The following CHD5 variants were observed in gnomAD, a reference collection of about 807,000 sequenced individuals.
CHD5 encodes chromodomain helicase DNA binding protein 5.
CHD5 carries 69 observed loss-of-function variants against 230.3 expected under a neutral mutation model. That is an observed-to-expected ratio of 0.30 (90% CI 0.25 to 0.37). The LOEUF (loss-of-function observed/expected upper bound fraction) is 0.37, where lower values mean the gene tolerates loss of function less well. Ranked by LOEUF, CHD5 falls within the 10% of genes least tolerant of loss-of-function variation. The probability of loss-of-function intolerance (pLI) is 1.00; values close to 1 mark genes in which losing one functional copy is unlikely to be tolerated. For missense variants in CHD5, 1,827 were observed against 2,622.8 expected (o/e 0.70, Z 6.63); for synonymous variants, 1,064 against 1,065.9 (o/e 1.00, Z 0.03).
intron 33 of CHD5, among the ~76,000 whole-genome samples, chr1:6,113,759 T>A (rs34807013): frequency 0.12 from 18,886 of 152,024 alleles, 1,410 homozygotes; most frequent in East Asian, 0.38. Context: ...GAAAAGAAGG[T>A]CTCCAGTGAG....
intron 7 of CHD5, among the ~76,000 whole-genome samples, chr1:6,149,681 AATGG>A (rs1666969736): frequency 6.6e-6 from 1 of 150,940 alleles, no homozygotes; most frequent in Non-Finnish European, 1.5e-5. Context: ...TGGATAGACA[AATGG>A]ATGGATAGAT....
At chr1:6,151,300 G>A in intron 6 of CHD5, 145 bp from the exon 7 acceptor site, 1 of 963,550 alleles carries the variant, frequency 1.0e-6, no homozygotes, top group East Asian at 3.1e-5. Context: ...CAACACAGCT[G>A]AAAACCTCAC....
Position 6,142,098 on chromosome 1 carries a change from A to C in CHD5, c.2436+30T>G, listed in dbSNP as rs1666837209. The C allele has an allele frequency of 6.3e-7, 1 of 1,595,144 alleles. No homozygotes were observed. Among genetic ancestry groups the C allele is most frequent in the East Asian group, 2.2e-5 (1 of 44,538 alleles). On this transcript the variant is annotated intron_variant, in intron 15 of 41. Coordinates refer to ENST00000262450, the MANE Select transcript of CHD5 (RefSeq NM_015557.3). This position sits in a 1 kb window ranked among gnomAD's most constrained non-coding sequence, Gnocchi z 5.2. ...CCTGAACTAGACCGGGGGCCTTCCT[A>C]CCGTCCTTCCAAGGATAGCGAGCCC...
rs1437559926 is a variant in CHD5, at chr1:6,155,497, C to T, written c.506+102G>A. The T allele has an allele frequency of 5.9e-6, 6 of 1,018,594 alleles. No individual in the cohort carries two copies. Among genetic ancestry groups the T allele is most frequent in the African/African-American group, 3.2e-5 (2 of 63,208 alleles). The allele number at this position is 1,018,594 out of a possible 1,614,324, so 63.1% of individuals were successfully genotyped here. A position where few individuals can be genotyped will look rare whatever the true frequency, so the allele number is the denominator to read the frequency against. ...TGCTCAGTCGGTCTGACAGAGCCCA[C>T]CCCTACCCCAGGTGCCGGGGCTTCA... On this transcript the variant is annotated intron_variant, in intron 4 of 41. Coordinates refer to ENST00000262450, the MANE Select transcript of CHD5 (RefSeq NM_015557.3). The surrounding 1 kb of genome is among the most constrained non-coding windows in gnomAD (Gnocchi z 4.0).
chr1:6,123,594 T>A (rs1666505977), intron 31 of CHD5, among the ~76,000 whole-genome samples: 2 of 151,972 alleles, frequency 1.3e-5, no homozygotes, highest in Non-Finnish European at 2.9e-5. Flanking sequence ...GCCCGGCTAA[T>A]CTTTTGTATT....
chr1:6,106,945 TGGAGGAGA>T (rs1666182989), intron 38 of CHD5, among the ~76,000 whole-genome samples, 166 bp from the exon 39 acceptor site: 1 of 5,356 alleles, frequency 1.9e-4, no homozygotes, highest in African/African-American at 9.2e-4. Flanking sequence ...GGTGGAGGGA[TGGAGGAGA>T]GGAGGGGTGG....
rs17029186 is a variant in CHD5, at chr1:6,131,071, G to C, written c.3262+560C>G. Among the ~76,000 whole-genome samples, 13,743 of 152,248 alleles carry C rather than the reference G, an allele frequency of 0.09. 2,022 individuals are homozygous for C. The highest frequency in any genetic ancestry group is 0.31 in the African/African-American group (12,833 of 41,502). On this transcript the variant is annotated intron_variant, in intron 21 of 41. Transcript: ENST00000262450. The surrounding 1 kb of genome is among the most constrained non-coding windows in gnomAD (Gnocchi z 5.0). ...AGGGAAACAAAGCTTGTTACTATTT[G>C]CTGCAAACTTGCTACTGAAGCTTAC...
In CHD5 at chr1:6,167,078, C is replaced by G. The variant is rs1332157558; in HGVS notation, c.207+1072G>C. The stretch of plus-strand genomic sequence containing the variant: ...GCACCCCCTTAGCATTAGCACCTCA[C>G]CTCACCACCACTGCGCCTCACCAGC... On this transcript the variant is annotated intron_variant, in intron 2 of 41. Coordinates refer to ENST00000262450, the MANE Select transcript of CHD5 (RefSeq NM_015557.3). This position sits in a 1 kb window ranked among gnomAD's most constrained non-coding sequence, Gnocchi z 4.5. 1.3e-5 allele frequency among the ~76,000 whole-genome samples: 2 copies of G among 152,216 alleles called. No individual in the cohort carries two copies. The highest frequency in any genetic ancestry group is 2.9e-5 in the Non-Finnish European group (2 of 68,040).
chr1:6,122,234 A>C (rs533521083), intron 31 of CHD5, among the ~76,000 whole-genome samples: 1 of 152,362 alleles, frequency 6.6e-6, no homozygotes, highest in East Asian at 1.9e-4. Flanking sequence ...TGTGAGGCCC[A>C]ACCGACGGAC....
rs1447789132 is a variant in CHD5 at position 6,129,075 on chromosome 1, G to A, written c.3388-6C>T. The A allele has an allele frequency of 1.3e-6, 2 of 1,594,090 alleles. No individual in the cohort carries two copies. Among genetic ancestry groups the A allele is most frequent in the Non-Finnish European group, 1.7e-6 (2 of 1,169,652 alleles). ...CGGTGGGCGCGGCTGAAGGCCTGGGGAGACCTGCACCTCAGCACCCGTGGC... is the reference window on the plus strand; with the variant it reads ...CGGTGGGCGCGGCTGAAGGCCTGGGAAGACCTGCACCTCAGCACCCGTGGC... On this transcript the variant is annotated splice_polypyrimidine_tract_variant and splice_region_variant and intron_variant, in intron 22 of 41. Coordinates refer to ENST00000262450, the MANE Select transcript of CHD5 (RefSeq NM_015557.3). This position sits in a 1 kb window ranked among gnomAD's most constrained non-coding sequence, Gnocchi z 6.8.
rs1445150069 is a variant in CHD5 at position 6,136,557 on chromosome 1, G to T, written c.2656C>A (p.Leu886Met). 2.2e-5 allele frequency: 36 copies of T among 1,613,724 alleles called. No individual in the cohort carries two copies. Among genetic ancestry groups the T allele is most frequent in the Non-Finnish European group, 3.1e-5 (36 of 1,179,790 alleles). ...GTCAGGAAGTTGAGGAGATGGAACA[G>T]CTCCTCCAGGTTGTTCTGAAGGGGG... ...GTPLQNNLEE[L>M]FHLLNFLTPE... The change falls in exon 17 of 42, where the codon CTG (leucine) becomes ATG (methionine). Residue 886 changes from leucine (L) to methionine (M), a missense_variant. Transcript: ENST00000262450.
chr1:6,112,871 C>T (rs1249929011), intron 34 of CHD5, 38 bp downstream of exon 34: 1 of 1,495,364 alleles, frequency 6.7e-7, no homozygotes, highest in Non-Finnish European at 9.3e-7. Flanking sequence ...CTCAAGGGAC[C>T]ATGGGGCACA....
chr1:6,149,212 C>T (rs112078826), intron 8 of CHD5, 34 bp downstream of exon 8: 19 of 1,537,352 alleles, frequency 1.2e-5, no homozygotes, highest in African/African-American at 9.6e-5. Context: ...CAGGCGTGGC[C>T]CCGCCCCCAG....
rs1666605276 is a variant in CHD5, at chr1:6,128,780, GGT to G, written c.3619+56_3619+57del. The G allele has an allele frequency of 6.8e-7, 1 of 1,461,932 alleles. No homozygotes were observed. The highest frequency in any genetic ancestry group is 1.7e-5 in the Admixed American group (1 of 58,732). 90.6% of individuals were successfully genotyped at this position (1,461,932 alleles called of 1,614,324 possible). A position where few individuals can be genotyped will look rare whatever the true frequency, so the allele number is the denominator to read the frequency against. ...CAGGGACCCAAGCAAGCCCTGGATG[GGT>G]GTCTCAGCCGGGCCACCCCAGTCCC... On this transcript the variant is annotated intron_variant, in intron 23 of 41. Transcript: ENST00000262450. This position sits in a 1 kb window ranked among gnomAD's most constrained non-coding sequence, Gnocchi z 7.8.
chr1:6,156,277 C>T (rs758310098), intron 3 of CHD5, among the ~76,000 whole-genome samples: 15 of 151,950 alleles, frequency 9.9e-5, no homozygotes, highest in African/African-American at 3.1e-4. Flanking sequence ...TGGCTCACGC[C>T]CGTAATCCCA....
chr1:6,149,539 G>T, intron 7 of CHD5, 127 bp from the exon 8 acceptor site: 1 of 873,640 alleles, frequency 1.1e-6, no homozygotes, highest in Non-Finnish European at 1.7e-6. Context: ...AAGGTGGGTG[G>T]GTGAATAGAC....
chr1:6,152,552 G>T lies in CHD5; in HGVS notation c.746-16C>A, dbSNP rs1368119307. 3.1e-6 allele frequency: 5 copies of T among 1,613,496 alleles called. No homozygotes were observed. The highest frequency in any genetic ancestry group is 2.7e-5 in the African/African-American group (2 of 74,908). On this transcript the variant is annotated splice_polypyrimidine_tract_variant and intron_variant, in intron 5 of 41. Coordinates refer to ENST00000262450, the MANE Select transcript of CHD5 (RefSeq NM_015557.3). ...ACTCCAGGCCCTGAAAAACAGCAGT[G>T]ATGATAGCCAACCACTGCCACCACT... is the stretch of plus-strand genomic sequence containing the variant.
Position 6,146,120 on chromosome 1 carries a change from TG to T in CHD5, c.1802+91del. On this transcript the variant is annotated intron_variant, in intron 11 of 41. Coordinates refer to ENST00000262450, the MANE Select transcript of CHD5 (RefSeq NM_015557.3). This position sits in a 1 kb window ranked among gnomAD's most constrained non-coding sequence, Gnocchi z 5.1. ...CACGGCAGCCCCAAAGCAAGGGCCC[TG>T]GCACCCTGCGCTGCACCCATTTTAC... The T allele has an allele frequency of 7.7e-7, 1 of 1,299,150 alleles. No individual in the cohort carries two copies. The highest frequency in any genetic ancestry group is 1.1e-6 in the Non-Finnish European group (1 of 923,158). The allele number at this position is 1,299,150 out of a possible 1,614,324, so 80.5% of individuals were successfully genotyped here. A position where few individuals can be genotyped will look rare whatever the true frequency, so the allele number is the denominator to read the frequency against.
In CHD5 at chr1:6,130,053, C is replaced by T. The variant is rs1666629533; in HGVS notation, c.3387+151G>A. 22 of 852,876 alleles carry T rather than the reference C, an allele frequency of 2.6e-5. No homozygotes were observed. The highest frequency in any genetic ancestry group is 7.2e-4 in the Middle Eastern group (2 of 2,784). 52.8% of individuals were successfully genotyped at this position (852,876 alleles called of 1,614,324 possible). ...CAAGCTTCCACTCACTCCCAGAGCC[C>T]CTCTTGGGGCCGAGACTCCACGGGG... On this transcript the variant is annotated intron_variant, in intron 22 of 41. Coordinates refer to ENST00000262450, the MANE Select transcript of CHD5 (RefSeq NM_015557.3). This position sits in a 1 kb window ranked among gnomAD's most constrained non-coding sequence, Gnocchi z 4.9.
Sources: gnomAD v4.1 joint callset for allele counts (sites outside exome capture counted in the v4.1 genomes callset) on GRCh38, gnomAD v4.1.1 for gene constraint, Gnocchi (gnomAD v3.1) non-coding constraint, MANE v1.5 for transcripts, NCBI Gene and HGNC (gene_info 2026-07-23, HGNC 2026-07-21) for gene names.